GRIP2: variants seen among roughly 807,000 people sequenced by gnomAD.
GRIP2 encodes the protein glutamate receptor interacting protein 2.
GRIP2 carries 58 observed loss-of-function variants against 108.3 expected under a neutral mutation model. The observed-to-expected ratio is 0.54, with a 90% CI of 0.43 to 0.67. The LOEUF (loss-of-function observed/expected upper bound fraction) is 0.67. Among genes scored for constraint, GRIP2 ranks in the 30% least tolerant of loss-of-function variants. The pLI is 0.00. For missense variants in GRIP2, 1,278 were observed against 1,430.6 expected (o/e 0.89, Z 1.72); for synonymous variants, 586 against 598.2 (o/e 0.98, Z 0.30).
At chr3:14,552,496 G>T (rs952282150) in intron 1 of GRIP2, among the ~76,000 whole-genome samples, 3 of 152,094 alleles carry the variant, frequency 2.0e-5, no homozygotes, top group African/African-American at 7.2e-5. Flanking sequence ...CTGCCTTGAC[G>T]TCTGTCGATT....
At chr3:14,499,705 G>T (rs544937189) in intron 21 of GRIP2, among the ~76,000 whole-genome samples, 1 of 152,156 alleles carries the variant, frequency 6.6e-6, no homozygotes, top group East Asian at 1.9e-4. Context: ...GCCACTGACT[G>T]CACTCCAGCC....
At chr3:14,536,878 T>A (rs1054084236) in intron 1 of GRIP2, among the ~76,000 whole-genome samples, 2 of 152,096 alleles carry the variant, frequency 1.3e-5, no homozygotes, top group African/African-American at 4.8e-5. Flanking sequence ...CAACTGTCAG[T>A]CCCCGGTCCC....
At chr3:14,500,778 G>T (rs1472502367) in intron 21 of GRIP2, among the ~76,000 whole-genome samples, 1 of 152,030 alleles carries the variant, frequency 6.6e-6, no homozygotes, top group Non-Finnish European at 1.5e-5. Flanking sequence ...GAAAAAAAGG[G>T]GTATGCAAGA....
chr3:14,545,400 A>T (rs1312065314), upstream of GRIP2, among the ~76,000 whole-genome samples: 1 of 152,114 alleles, frequency 6.6e-6, no homozygotes, highest in Non-Finnish European at 1.5e-5. Context: ...ACCACTCTCC[A>T]CAGCCCAGGC....
chr3:14,601,367 C>A, the GRIP2 span, among the ~76,000 whole-genome samples: 6 of 152,178 alleles, frequency 3.9e-5, no homozygotes, highest in African/African-American at 1.4e-4. Context: ...TCTTAATTAG[C>A]CCTGCTCCTT....
chr3:14,581,097 T>C, the GRIP2 span, among the ~76,000 whole-genome samples: 2 of 152,204 alleles, frequency 1.3e-5, no homozygotes, highest in Non-Finnish European at 2.9e-5. Context: ...GGATAGATGA[T>C]AGACAGATGG....
At chr3:14,580,863 A>G in the GRIP2 span, among the ~76,000 whole-genome samples, 2 of 152,186 alleles carry the variant, frequency 1.3e-5, no homozygotes, top group Admixed American at 1.3e-4. Flanking sequence ...TACCCTCCAC[A>G]ATGTGGGTTG....
chr3:14,525,901 T>A lies in GRIP2; in HGVS notation c.71A>T (p.Asp24Val). 2 of 1,560,676 alleles carry A rather than the reference T, an allele frequency of 1.3e-6. No homozygotes were observed. Among genetic ancestry groups the A allele is most frequent in the Non-Finnish European group, 1.7e-6 (2 of 1,152,000 alleles). ...CAGGGAAACGTCGGCCCCTCCTGCGTCCTTGCCTCCTTTGGAGTAGGGCCC... is the reference window on the plus strand; with the variant it reads ...CAGGGAAACGTCGGCCCCTCCTGCGACCTTGCCTCCTTTGGAGTAGGGCCC... ...DDGPYSKGGK[D>V]AGGADVSLAC... The change falls in exon 2 of 24, where the codon GAC (aspartate) becomes GTC (valine). Residue 24 changes from aspartate (D) to valine (V), a missense_variant. Transcript: ENST00000621039.
chr3:14,578,653 G>T, the GRIP2 span, among the ~76,000 whole-genome samples: 6 of 151,866 alleles, frequency 4.0e-5, no homozygotes, highest in Admixed American at 2.0e-4. Flanking sequence ...GGAGGCAAAG[G>T]TTGCAGTGAG....
At chr3:14,560,855 G>T (rs138794807), upstream of GRIP2, among the ~76,000 whole-genome samples, 1 of 152,194 alleles carries the variant, frequency 6.6e-6, no homozygotes, top group Non-Finnish European at 1.5e-5. Context: ...CAGAGTTCCA[G>T]ATTCCAGCAC....
the GRIP2 span, among the ~76,000 whole-genome samples, chr3:14,575,405 T>A: frequency 4.6e-5 from 7 of 152,226 alleles, no homozygotes; most frequent in South Asian, 1.5e-3. Flanking sequence ...GGGTGAGGAA[T>A]CCAGAAGCCA....
intron 1 of GRIP2, chr3:14,555,880 CCACCCAGACTCACCGG>C: frequency 2.5e-6 from 1 of 399,240 alleles, no homozygotes; most frequent in South Asian, 1.3e-4. Flanking sequence ...CCCTCGCCCT[CCACCCAGACTCACCGG>C]CACCTTTGAG....
intron 1 of GRIP2, among the ~76,000 whole-genome samples, chr3:14,550,326 TGCCCCCAGGAA>T (rs1031237931): frequency 6.6e-5 from 10 of 152,222 alleles, no homozygotes; most frequent in African/African-American, 2.4e-4. Flanking sequence ...TCAAGACTGC[TGCCCCCAGGAA>T]GCCCTCCGGC....
At chr3:14,540,365 C>A, upstream of GRIP2, 1 of 1,610,822 alleles carries the variant, frequency 6.2e-7, no homozygotes, top group Non-Finnish European at 8.5e-7. This position sits in a 1 kb window ranked among gnomAD's most constrained non-coding sequence, Gnocchi z 4.1. Context: ...CGCTGCTTGG[C>A]CCTCCCTCCC....
rs1020151988 is a variant in GRIP2 at position 14,491,852 on chromosome 3, C to G, written c.*1813G>C. 3.9e-5 allele frequency: 6 copies of G among 152,316 alleles called. No individual in the cohort carries two copies. The highest frequency in any genetic ancestry group is 8.8e-5 in the Non-Finnish European group (6 of 68,108). 9.4% of individuals were successfully genotyped at this position (152,316 alleles called of 1,614,324 possible). A position where few individuals can be genotyped will look rare whatever the true frequency, so the allele number is the denominator to read the frequency against. Reference sequence around the variant, plus strand: ...TCCCTCACCCTCAAAAGTGAGGGCTCTTGGCTTTCACTTGGTGCCCTGTGA... The same window carrying G: ...TCCCTCACCCTCAAAAGTGAGGGCTGTTGGCTTTCACTTGGTGCCCTGTGA... On this transcript the variant is annotated 3_prime_UTR_variant, in exon 24 of 24. Transcript: ENST00000621039.
In GRIP2 at chr3:14,521,262, C is replaced by A. The variant is rs1194315150; in HGVS notation, c.712+380G>T. 5.4e-6 allele frequency: 1 copy of A among 186,764 alleles called. No individual in the cohort carries two copies. Among genetic ancestry groups the A allele is most frequent in the East Asian group, 1.5e-4 (1 of 6,816 alleles). 11.6% of individuals were successfully genotyped at this position (186,764 alleles called of 1,614,324 possible). A position where few individuals can be genotyped will look rare whatever the true frequency, so the allele number is the denominator to read the frequency against. On this transcript the variant is annotated intron_variant, in intron 7 of 23. Transcript: ENST00000621039. This position sits in a 1 kb window ranked among gnomAD's most constrained non-coding sequence, Gnocchi z 5.1. ...GAATGCTGTCCCTGGACATTCCATG[C>A]CTCGCTCATTCCCTCACTCCCCTAG...
At chr3:14,562,861 C>A in the GRIP2 span, among the ~76,000 whole-genome samples, 1 of 152,186 alleles carries the variant, frequency 6.6e-6, no homozygotes, top group Non-Finnish European at 1.5e-5. Flanking sequence ...TGGATTCTTT[C>A]CTGCAAAATT....
chr3:14,540,981 G>C (rs1694956929), upstream of GRIP2, among the ~76,000 whole-genome samples: 1 of 152,242 alleles, frequency 6.6e-6, no homozygotes, highest in African/African-American at 2.4e-5. This position sits in a 1 kb window ranked among gnomAD's most constrained non-coding sequence, Gnocchi z 4.1. Flanking sequence ...TGAAGACCAA[G>C]TGAGCTGGGT....
the GRIP2 span, among the ~76,000 whole-genome samples, chr3:14,567,632 C>T: frequency 6.6e-6 from 1 of 152,272 alleles, no homozygotes; most frequent in East Asian, 1.9e-4. Flanking sequence ...GCAGTGGGAG[C>T]ATTGAGAGAA....
Sources: gnomAD v4.1 joint callset for allele counts (sites outside exome capture counted in the v4.1 genomes callset) on GRCh38, gnomAD v4.1.1 for gene constraint, Gnocchi (gnomAD v3.1) non-coding constraint, MANE v1.5 for transcripts, NCBI Gene and HGNC (gene_info 2026-07-23, HGNC 2026-07-21) for gene names.